LINGO2: variants seen among roughly 807,000 people sequenced by gnomAD.
LINGO2 encodes leucine-rich repeat and immunoglobulin-like domain-containing nogo receptor-interacting protein 2.
In LINGO2, 14 loss-of-function variants were observed where a neutral mutation model predicts 30.6. That is an observed-to-expected ratio of 0.46 (90% CI 0.30 to 0.72). The LOEUF (loss-of-function observed/expected upper bound fraction) is 0.72. Ranked by LOEUF, LINGO2 falls within the 30% of genes least tolerant of loss-of-function variation. LINGO2 has a pLI of 0.07. For missense variants in LINGO2, 729 were observed against 751.7 expected, an observed-to-expected ratio of 0.97 and a Z score of 0.35; for synonymous variants, 317 against 288.5, an observed-to-expected ratio of 1.10 and a Z score of -1.00.
chr9:28,910,774 T>C, the LINGO2 span, among the ~76,000 whole-genome samples: 1 of 151,986 alleles, frequency 6.6e-6, no homozygotes, highest in African/African-American at 2.4e-5. Flanking sequence ...TCTTTATAAA[T>C]TACCCAGTCT....
the LINGO2 span, among the ~76,000 whole-genome samples, chr9:28,907,718 C>T: frequency 6.6e-6 from 1 of 151,540 alleles, no homozygotes; most frequent in Non-Finnish European, 1.5e-5. Flanking sequence ...TAATGACAAA[C>T]TACTTATGAA....
chr9:29,156,868 C>A, the LINGO2 span, among the ~76,000 whole-genome samples: 2 of 151,952 alleles, frequency 1.3e-5, no homozygotes, highest in African/African-American at 2.4e-5. Flanking sequence ...ACTTAATGTA[C>A]CTTAGATCTA....
At chr9:28,472,842 C>A (rs1452803621) in intron 2 of LINGO2, among the ~76,000 whole-genome samples, 2 of 152,026 alleles carry the variant, frequency 1.3e-5, no homozygotes, top group Non-Finnish European at 2.9e-5. Context: ...TATTTGTTGC[C>A]TCCAAAGACA....
the LINGO2 span, among the ~76,000 whole-genome samples, chr9:29,206,127 GT>G: frequency 5.3e-4 from 81 of 152,170 alleles, 1 homozygote; most frequent in African/African-American, 1.9e-3. Flanking sequence ...TGCTAATTTG[GT>G]GTGGAAAAGT....
chr9:29,180,541 T>C, the LINGO2 span, among the ~76,000 whole-genome samples: 3 of 152,170 alleles, frequency 2.0e-5, no homozygotes, highest in African/African-American at 4.8e-5. Flanking sequence ...TCCTGCATTC[T>C]TAATCACCCT....
the LINGO2 span, among the ~76,000 whole-genome samples, chr9:28,752,311 T>C: frequency 3.3e-5 from 5 of 151,992 alleles, no homozygotes; most frequent in East Asian, 9.7e-4. Context: ...TTATCTTAGA[T>C]ACCATGCACT....
chr9:28,304,644 C>T (rs996232689), intron 3 of LINGO2, among the ~76,000 whole-genome samples: 1 of 152,026 alleles, frequency 6.6e-6, no homozygotes, highest in Non-Finnish European at 1.5e-5. Flanking sequence ...ATACAGTACA[C>T]ACATTTATAT....
chr9:28,274,819 C>G (rs1481921674), intron 4 of LINGO2, among the ~76,000 whole-genome samples: 1 of 152,140 alleles, frequency 6.6e-6, no homozygotes, highest in East Asian at 1.9e-4. Flanking sequence ...CTACTGGTAC[C>G]TTTTCTCAGG....
At chr9:28,287,357 A>G (rs1823550459) in intron 4 of LINGO2, among the ~76,000 whole-genome samples, 1 of 152,236 alleles carries the variant, frequency 6.6e-6, no homozygotes, top group Non-Finnish European at 1.5e-5. Flanking sequence ...TTAGAGGATT[A>G]TATCAAATAA....
chr9:29,046,962 C>T, the LINGO2 span, among the ~76,000 whole-genome samples: 2 of 41,366 alleles, frequency 4.8e-5, no homozygotes, highest in African/African-American at 1.5e-4. Context: ...TCCTGTAGTC[C>T]TAGCTACTTG....
At chr9:28,441,251 CTTTTTTTTTTTTTTTTTTTTTTTT>C (rs72213590) in intron 2 of LINGO2, among the ~76,000 whole-genome samples, 10 of 36,286 alleles carry the variant, frequency 2.8e-4, no homozygotes, top group Admixed American at 2.7e-3. Context: ...TCATTGGAGG[CTTTTTTTTTTTTTTTTTTTTTTTT>C]TTTTTTTTTT....
the LINGO2 span, among the ~76,000 whole-genome samples, chr9:28,950,690 G>A: frequency 6.6e-6 from 1 of 152,086 alleles, no homozygotes; most frequent in African/African-American, 2.4e-5. Context: ...AGTTACAAGG[G>A]ATGTGAAGGA....
At chr9:28,995,558 G>C in the LINGO2 span, among the ~76,000 whole-genome samples, 1 of 152,010 alleles carries the variant, frequency 6.6e-6, no homozygotes, top group Non-Finnish European at 1.5e-5. Flanking sequence ...CTGCTGTAAA[G>C]ACACATGCGC....
intron 1 of LINGO2, among the ~76,000 whole-genome samples, chr9:28,649,100 C>T (rs923426994): frequency 2.0e-5 from 3 of 152,046 alleles, no homozygotes; most frequent in Admixed American, 6.6e-5. Context: ...AAATTTATGG[C>T]GCTCACCTTT....
At chr9:28,017,732 T>G (rs1008142905) in intron 4 of LINGO2, among the ~76,000 whole-genome samples, 5 of 152,146 alleles carry the variant, frequency 3.3e-5, no homozygotes, top group African/African-American at 1.2e-4. Context: ...TTGGAAAACA[T>G]TCCATGCTCA....
At position 27,981,359 on chromosome 9, in the gene LINGO2, T is replaced by C. The variant is rs114055644; in HGVS notation, c.-35-30653A>G. Among the ~76,000 whole-genome samples the C allele has an allele frequency of 5.8e-3, 873 of 151,238 alleles. 7 individuals carry two copies. The highest frequency in any genetic ancestry group is 0.02 in the African/African-American group (833 of 41,346). On this transcript the variant is annotated intron_variant, in intron 5 of 5. Coordinates refer to ENST00000379992, the Ensembl canonical transcript of LINGO2. ...AAACAGCTAGGTAACTTTCCCCTTATCACACAGATAATAAAAAGCGAAACA... is the reference window on the plus strand; with the variant it reads ...AAACAGCTAGGTAACTTTCCCCTTACCACACAGATAATAAAAAGCGAAACA...
At chr9:28,352,499 A>G (rs1819945545) in intron 3 of LINGO2, among the ~76,000 whole-genome samples, 1 of 116,432 alleles carries the variant, frequency 8.6e-6, no homozygotes, top group South Asian at 3.5e-4. Flanking sequence ...AGGAAATAAA[A>G]GAGGATACAA....
chr9:27,966,643 C>G (rs1012051493), intron 5 of LINGO2, among the ~76,000 whole-genome samples: 2 of 151,980 alleles, frequency 1.3e-5, no homozygotes, highest in Non-Finnish European at 2.9e-5. Context: ...ACCTAGATGA[C>G]AGGTTGATAG....
chr9:28,793,724 T>C, the LINGO2 span, among the ~76,000 whole-genome samples: 1 of 152,194 alleles, frequency 6.6e-6, no homozygotes, highest in South Asian at 2.1e-4. Flanking sequence ...AAATATTCTA[T>C]GTCTTTTCTA....
Sources: allele counts gnomAD v4.1 joint callset (sites outside exome capture counted in the v4.1 genomes callset), GRCh38; gene constraint gnomAD v4.1.1; transcripts MANE v1.5; gene names NCBI Gene and HGNC (gene_info 2026-07-23, HGNC 2026-07-21).